DIP2B: variants seen among roughly 807,000 people sequenced by gnomAD.
DIP2B encodes DIP2 acetate--CoA ligase B (putative), also known as disco-interacting protein 2 homolog B.
In DIP2B, 76 loss-of-function variants were observed where a neutral mutation model predicts 198.0. The observed-to-expected ratio is 0.38, with a 90% CI of 0.32 to 0.46. The LOEUF (loss-of-function observed/expected upper bound fraction) is 0.46, where lower values mean the gene tolerates loss of function less well. DIP2B is among the 20% of genes least tolerant of loss of function. The pLI is 0.99. For synonymous variants in DIP2B, 701 were observed against 739.1 expected (o/e 0.95, Z 0.84); for missense variants, 1,559 against 1,978.4 (o/e 0.79, Z 4.02).
rs1937926423 is a variant in DIP2B, at chr12:50,625,985, C to T, written c.110C>T (p.Thr37Ile). Residue 37 changes from threonine to isoleucine, a missense_variant, in exon 2 of 38, where the codon ACC becomes ATC. Coordinates refer to ENST00000301180, the MANE Select transcript of DIP2B (RefSeq NM_173602.3). ...TTTCTTGCTATTTTAGGGGACATCA[C>T]CCAGAAGGGCTATGAAAAGAAAAGG... is the stretch of plus-strand genomic sequence containing the variant. ...LELELSEGDI[T>I]QKGYEKKRSK... The T allele has an allele frequency of 6.2e-7, 1 of 1,613,944 alleles. No individual in the cohort carries two copies. The highest frequency in any genetic ancestry group is 1.1e-5 in the South Asian group (1 of 91,078).
At chr12:50,703,674 G>T (rs1038328544) in intron 19 of DIP2B, among the ~76,000 whole-genome samples, 1 of 151,942 alleles carries the variant, frequency 6.6e-6, no homozygotes. Context: ...TGCAAAACAG[G>T]GCTCAGAAAA....
rs1357429083 is a variant in DIP2B, at chr12:50,748,438, T to G, written c.*3599T>G. The G allele has an allele frequency of 2.0e-5, 3 of 152,688 alleles. No individual in the cohort carries two copies. Among genetic ancestry groups the G allele is most frequent in the Non-Finnish European group, 4.4e-5 (3 of 68,048 alleles). The allele number at this position is 152,688 out of a possible 1,614,324, so 9.5% of individuals were successfully genotyped here. On this transcript the variant is annotated 3_prime_UTR_variant, in exon 38 of 38. Coordinates refer to ENST00000301180, the MANE Select transcript of DIP2B (RefSeq NM_173602.3). ...GAGGAAGAGACTAAAGATATAAGAA[T>G]AATTTTTTAGTCCTAAATGCTGTTT...
rs1407643649 is a variant in DIP2B, at chr12:50,747,023, T to C, written c.*2184T>C. On this transcript the variant is annotated 3_prime_UTR_variant, in exon 38 of 38. Transcript: ENST00000301180. ...TTTTTTAAAAGTAAAAAGAAACCCA[T>C]GGTATTGATTTAAATATATTTTATT... 1.3e-5 allele frequency: 2 copies of C among 152,228 alleles called. No individual in the cohort carries two copies. The highest frequency in any genetic ancestry group is 4.8e-5 in the African/African-American group (2 of 41,458). 9.4% of individuals were successfully genotyped at this position (152,228 alleles called of 1,614,324 possible).
chr12:50,605,813 T>A (rs1958976236), intron 1 of DIP2B, among the ~76,000 whole-genome samples: 1 of 152,128 alleles, frequency 6.6e-6, no homozygotes, highest in South Asian at 2.1e-4. Flanking sequence ...TTTCCTGCTC[T>A]GCCTTTTCTT....
intron 28 of DIP2B, 44 bp from the exon 29 acceptor site, chr12:50,727,659 T>G (rs1371538792): frequency 6.5e-7 from 1 of 1,545,634 alleles, no homozygotes; most frequent in African/African-American, 1.4e-5. Flanking sequence ...ATTTTCATGT[T>G]CCAGCATGTT....
chr12:50,514,159 G>A (rs928117715), intron 1 of DIP2B, among the ~76,000 whole-genome samples: 4 of 148,262 alleles, frequency 2.7e-5, no homozygotes, highest in African/African-American at 9.9e-5. Context: ...TCCGCCTCCC[G>A]GGTTCAAGCG....
intron 1 of DIP2B, among the ~76,000 whole-genome samples, chr12:50,543,372 T>A (rs998645081): frequency 6.6e-6 from 1 of 151,818 alleles, no homozygotes; most frequent in Admixed American, 6.6e-5. Flanking sequence ...TCACCGCAAC[T>A]TCCGCTCCCC....
chr12:50,537,639 A>T (rs535021944), intron 1 of DIP2B, among the ~76,000 whole-genome samples: 1 of 152,174 alleles, frequency 6.6e-6, no homozygotes. Flanking sequence ...GGATTTGGGC[A>T]TCATCTTCAT....
intron 1 of DIP2B, among the ~76,000 whole-genome samples, chr12:50,553,143 G>C (rs560299456): frequency 1.3e-5 from 2 of 152,148 alleles, no homozygotes; most frequent in Non-Finnish European, 2.9e-5. Context: ...GCCTGAGTTA[G>C]TTTTCTATAT....
intron 1 of DIP2B, among the ~76,000 whole-genome samples, chr12:50,616,490 A>C (rs1417892383): frequency 6.6e-6 from 1 of 152,228 alleles, no homozygotes; most frequent in Non-Finnish European, 1.5e-5. Context: ...AAACTATGAA[A>C]ATGTTATGTC....
At chr12:50,538,347 C>G (rs900795539) in intron 1 of DIP2B, among the ~76,000 whole-genome samples, 3 of 152,130 alleles carry the variant, frequency 2.0e-5, no homozygotes, top group African/African-American at 7.2e-5. Flanking sequence ...CATCAGCCAT[C>G]GGGGAGTGTG....
Position 50,698,395 on chromosome 12 carries a change from G to A in DIP2B, c.2116G>A (p.Val706Ile). 6.2e-7 allele frequency: 1 copy of A among 1,614,076 alleles called. No individual in the cohort carries two copies. Among genetic ancestry groups the A allele is most frequent in the Non-Finnish European group, 8.5e-7 (1 of 1,179,966 alleles). ...CTCAATGAATGGATTGAGCTATGGG[G>A]TAATACGGGTCAATACTGAAGATAA... is the stretch of plus-strand genomic sequence containing the variant. ...ILSMNGLSYG[V>I]IRVNTEDKNS... is the part of the protein sequence containing the mutation. The change falls in exon 18 of 38, where the codon GTA becomes ATA. Residue 706 changes from valine to isoleucine, a missense_variant. Physicochemically the swap from Val to Ile is conservative, Grantham distance 29. Transcript: ENST00000301180.
chr12:50,553,589 G>T (rs1958445216), intron 1 of DIP2B, among the ~76,000 whole-genome samples: 1 of 152,166 alleles, frequency 6.6e-6, no homozygotes, highest in East Asian at 1.9e-4. Flanking sequence ...GATTCTGACG[G>T]CCAATATAAA....
chr12:50,706,767 A>G, intron 21 of DIP2B, 102 bp downstream of exon 21: 2 of 1,384,900 alleles, frequency 1.4e-6, no homozygotes, highest in Non-Finnish European at 1.9e-6. Context: ...TTTCCAAGTG[A>G]TCAGATTGTT....
In DIP2B at chr12:50,504,998, T is replaced by A. The variant is rs1262719239; in HGVS notation, c.-143T>A. On this transcript the variant is annotated 5_prime_UTR_variant, in exon 1 of 38. Transcript: ENST00000301180. ...GCCGTCGCGCTCACGTGACCTTTGC[T>A]CATGGCGGCGGCGGCGGCGGCGGCG... is the stretch of plus-strand genomic sequence containing the variant. The A allele has an allele frequency of 1.1e-5, 6 of 545,932 alleles. No individual in the cohort carries two copies. Among genetic ancestry groups the A allele is most frequent in the Non-Finnish European group, 1.9e-5 (6 of 313,890 alleles). 33.8% of individuals were successfully genotyped at this position (545,932 alleles called of 1,614,324 possible).
intron 2 of DIP2B, among the ~76,000 whole-genome samples, chr12:50,633,829 A>C (rs1938108917): frequency 6.6e-6 from 1 of 152,146 alleles, no homozygotes; most frequent in Admixed American, 6.6e-5. Context: ...AAGTCACTGT[A>C]TGGCAAAAAT....
intron 1 of DIP2B, among the ~76,000 whole-genome samples, chr12:50,522,065 A>G (rs917119459): frequency 6.6e-5 from 10 of 152,004 alleles, no homozygotes; most frequent in African/African-American, 1.2e-4. Context: ...CAGTGGCACA[A>G]TCTTGGCTCA....
chr12:50,745,254 G>A lies in DIP2B; in HGVS notation c.*415G>A, dbSNP rs570798566. 2 of 183,966 alleles carry A rather than the reference G, an allele frequency of 1.1e-5. No homozygotes were observed. The highest frequency in any genetic ancestry group is 2.8e-4 in the East Asian group (2 of 7,058). 11.4% of individuals were successfully genotyped at this position (183,966 alleles called of 1,614,324 possible). On this transcript the variant is annotated 3_prime_UTR_variant, in exon 38 of 38. Coordinates refer to ENST00000301180, the MANE Select transcript of DIP2B (RefSeq NM_173602.3). Reference sequence around the variant, plus strand: ...TTTTGCCATTCTGCCGTAGCTAGATGTTCTGTGGGGTTTGTTAACATGGAA... The same window carrying A: ...TTTTGCCATTCTGCCGTAGCTAGATATTCTGTGGGGTTTGTTAACATGGAA...
chr12:50,652,953 T>G (rs531006056), intron 3 of DIP2B, among the ~76,000 whole-genome samples: 371 of 152,130 alleles, frequency 2.4e-3, no homozygotes, highest in African/African-American at 8.5e-3. Flanking sequence ...CTGTTTTTTT[T>G]TTTTTAAAGA....
Sources: allele counts gnomAD v4.1 joint callset (sites outside exome capture counted in the v4.1 genomes callset), GRCh38; gene constraint gnomAD v4.1.1; transcripts MANE v1.5; gene names NCBI Gene and HGNC (gene_info 2026-07-23, HGNC 2026-07-21).